BBS1: variants seen among roughly 807,000 people sequenced by gnomAD.
The protein encoded by BBS1 is BBSome complex member BBS1.
BBS1 carries 60 observed loss-of-function variants against 73.9 expected under a neutral mutation model. The ratio of observed to expected loss-of-function variants is 0.81; its 90% confidence interval spans 0.66 to 1.01. BBS1 has a LOEUF of 1.01. Ranked by LOEUF, BBS1 falls within the 50% of genes least tolerant of loss-of-function variation. The pLI, the probability that BBS1 is intolerant of heterozygous loss-of-function variation, is 0.00. For synonymous variants in BBS1, 283 were observed against 317.4 expected (o/e 0.89, Z 1.15); for missense variants, 718 against 770.3 (o/e 0.93, Z 0.80).
intron 7 of BBS1, 45 bp downstream of exon 7, chr11:66,515,978 T>C (rs1227522500): frequency 3.7e-6 from 6 of 1,601,072 alleles, no homozygotes; most frequent in Non-Finnish European, 5.1e-6. Context: ...AAAATTTACA[T>C]TTTTTTAAAA....
At chr11:66,530,764 G>A in intron 14 of BBS1, 130 bp from the exon 15 acceptor site, 2 of 1,350,378 alleles carry the variant, frequency 1.5e-6, no homozygotes, top group Non-Finnish European at 2.1e-6. Context: ...GGTCTTCTGT[G>A]TCTGCTGGGA....
chr11:66,531,642 G>A lies in BBS1; in HGVS notation c.1609-14G>A, dbSNP rs1211267389. 1.2e-6 allele frequency: 2 copies of A among 1,613,934 alleles called. No homozygotes were observed. Among genetic ancestry groups the A allele is most frequent in the Non-Finnish European group, 8.5e-7 (1 of 1,179,994 alleles). The stretch of plus-strand genomic sequence containing the variant: ...CGAGGGCTGGTTTCCTTACTTCTTT[G>A]TCCCCAAACTTAGGTACCCTTGCTG... On this transcript the variant is annotated splice_polypyrimidine_tract_variant and intron_variant, in intron 15 of 16. Coordinates refer to ENST00000318312, the MANE Select transcript of BBS1 (RefSeq NM_024649.5).
intron 1 of BBS1, 134 bp downstream of exon 1, chr11:66,510,840 C>G: frequency 7.1e-7 from 1 of 1,413,204 alleles, no homozygotes; most frequent in South Asian, 1.2e-5. Context: ...AAACCGAGGC[C>G]TAAGATGTGC....
At chr11:66,512,003 A>AAT (rs1168533544) in intron 3 of BBS1, among the ~76,000 whole-genome samples, 2,499 of 140,240 alleles carry the variant, frequency 0.018, 24 homozygotes, top group Non-Finnish European at 0.028. Context: ...TTCAAAAAAA[A>AAT]ATATATATAT....
intron 7 of BBS1, among the ~76,000 whole-genome samples, chr11:66,519,169 G>A (rs1856124667): frequency 6.6e-6 from 1 of 152,170 alleles, no homozygotes; most frequent in South Asian, 2.1e-4. Context: ...TGGATCACAG[G>A]TCAGGAGTTC....
chr11:66,511,062 A>G lies in BBS1; in HGVS notation c.97A>G (p.Asn33Asp). The G allele has an allele frequency of 6.2e-7, 1 of 1,614,118 alleles. No homozygotes were observed. The highest frequency in any genetic ancestry group is 8.5e-7 in the Non-Finnish European group (1 of 1,180,020). The part of the protein sequence containing the change: ...WLDAHYDPMA[N>D]IHTFSACLAL... ...GGATGCGCACTACGACCCAATGGCC[A>G]ATATCCACACCTTTTCTGCCTGCCT... Residue 33 changes from asparagine (N) to aspartate (D), a missense_variant, in exon 2 of 17, where the codon AAT becomes GAT. Physicochemically the swap from Asn to Asp is conservative, Grantham distance 23. Transcript: ENST00000318312.
chr11:66,522,822 T>C, intron 9 of BBS1: 1 of 303,670 alleles, frequency 3.3e-6, no homozygotes, highest in Non-Finnish European at 6.4e-6. Context: ...ATGAGTGCTA[T>C]GGAGAAAAAA....
In BBS1 at chr11:66,511,024, A is replaced by G. The variant is rs879216710; in HGVS notation, c.59A>G (p.Asn20Ser). The G allele has an allele frequency of 1.5e-5, 24 of 1,614,000 alleles. No individual in the cohort carries two copies. Among genetic ancestry groups the G allele is most frequent in the Admixed American group, 1.0e-4 (6 of 59,990 alleles). The change falls in exon 2 of 17, where the codon AAT (asparagine) becomes AGT (serine). Residue 20 changes from asparagine (N) to serine (S), a missense_variant. Physicochemically the swap from Asn to Ser is conservative, Grantham distance 46. Transcript: ENST00000318312. The part of the protein sequence containing the change: ...DACGAESNEA[N>S]SKWLDAHYDP... ...TCCCCCACTTCCAGCAATGAGGCCA[A>G]TTCGAAGTGGTTGGATGCGCACTAC... is the stretch of plus-strand genomic sequence containing the variant.
chr11:66,529,839 A>T lies in BBS1; in HGVS notation c.1360A>T (p.Thr454Ser). Residue 454 changes from threonine to serine, a missense_variant, in exon 14 of 17, where the codon ACA becomes TCA. Physicochemically the swap from Thr to Ser is moderately conservative, Grantham distance 58 (BLOSUM62 1). Coordinates refer to ENST00000318312, the MANE Select transcript of BBS1 (RefSeq NM_024649.5). ...CACAGCCATGCACCGGGCCTTCCAG[A>T]CAGACCTATACCTGCTGCGCCTACG... ...AGTAMHRAFQ[T>S]DLYLLRLRAA... 6.2e-7 allele frequency: 1 copy of T among 1,611,078 alleles called. No individual in the cohort carries two copies. The highest frequency in any genetic ancestry group is 8.5e-7 in the Non-Finnish European group (1 of 1,179,932).
intron 8 of BBS1, 70 bp from the exon 9 acceptor site, chr11:66,521,200 G>A: frequency 8.9e-7 from 1 of 1,127,666 alleles, no homozygotes; most frequent in Admixed American, 1.7e-5. Flanking sequence ...TCACTCAGAG[G>A]AGTTACTGAC....
intron 7 of BBS1, among the ~76,000 whole-genome samples, 174 bp downstream of exon 7, chr11:66,516,107 A>G (rs1332054674): frequency 6.8e-6 from 1 of 147,352 alleles, no homozygotes; most frequent in Non-Finnish European, 1.5e-5. Flanking sequence ...TCCACATTCC[A>G]GTTAGTAGTG....
intron 8 of BBS1, 34 bp from the exon 9 acceptor site, chr11:66,521,236 G>A: frequency 6.4e-7 from 1 of 1,552,334 alleles, no homozygotes. Context: ...GGGGGCTCCA[G>A]AGAAATTGGA....
At chr11:66,522,721 T>C (rs1167005963) in intron 9 of BBS1, 2 of 206,230 alleles carry the variant, frequency 9.7e-6, no homozygotes, top group African/African-American at 4.7e-5. Flanking sequence ...GTATTAGGGA[T>C]ATATTGATGA....
chr11:66,514,498 T>A lies in BBS1; in HGVS notation c.252T>A (p.Ala84=). Residue 84 remains alanine, a synonymous_variant, in exon 4 of 17, where the codon GCT becomes GCA. Transcript: ENST00000318312. The part of the protein sequence containing the change: ...PLVMTESPLP[A]LPAAAATFLM... ...TGATGACCGAAAGCCCGCTACCTGC[T>A]CTGCCAGCTGCTGCTGCCACCTTCC... is the stretch of plus-strand genomic sequence containing the variant. 2 of 1,614,176 alleles carry A rather than the reference T, an allele frequency of 1.2e-6. No homozygotes were observed. Among genetic ancestry groups the A allele is most frequent in the Non-Finnish European group, 1.7e-6 (2 of 1,180,018 alleles).
rs1295318869 is a variant in BBS1 at position 66,519,749 on chromosome 11, G to C, written c.723+1G>C. 1.2e-6 allele frequency: 2 copies of C among 1,613,034 alleles called. No homozygotes were observed. The highest frequency in any genetic ancestry group is 3.3e-5 in the Admixed American group (2 of 59,968). On this transcript the variant is annotated splice_donor_variant, in intron 8 of 16. Coordinates refer to ENST00000318312, the MANE Select transcript of BBS1 (RefSeq NM_024649.5). LOFTEE classifies it high-confidence loss of function. ...CGAGGCCTTCACCATTTTAGCCAAG[G>C]TCAGCGTCAGGTCTGGCCCTGGGCC...
intron 9 of BBS1, chr11:66,521,644 G>A (rs566203398): frequency 2.3e-5 from 10 of 443,310 alleles, no homozygotes; most frequent in East Asian, 1.4e-4. Flanking sequence ...TGTGGCTCAC[G>A]CCTGTAATCC....
rs1316472200 is a variant in BBS1, at chr11:66,531,005, T to G, written c.1585T>G (p.Ser529Ala). The G allele has an allele frequency of 6.2e-6, 10 of 1,614,072 alleles. No individual in the cohort carries two copies. In the Admixed American group the frequency reaches 8.3e-5, roughly 13 times the overall value. The change falls in exon 15 of 17, where the codon TCC becomes GCC. Residue 529 changes from serine to alanine, a missense_variant. By Grantham distance (99) the Ser-to-Ala change is moderately conservative. Coordinates refer to ENST00000318312, the MANE Select transcript of BBS1 (RefSeq NM_024649.5). ...CTTCCTGTACAACGAGGCGCTCTAT[T>G]CCCTGCCCCGGGCCTTCTTCAAGGT... is the stretch of plus-strand genomic sequence containing the variant. ...VCFLYNEALY[S>A]LPRAFFKVPL...
In BBS1 at chr11:66,533,012, G is replaced by C. The variant is rs538569056; in HGVS notation, c.*975G>C. ...CGTGAGAATTAGCAGGAAAGGCGGG[G>C]CCTTTCTTGTCATAGCTATTTCTGA... On this transcript the variant is annotated 3_prime_UTR_variant, in exon 17 of 17. Transcript: ENST00000318312. The C allele has an allele frequency of 3.9e-5, 6 of 152,316 alleles. No homozygotes were observed. The South Asian group carries it at 1.2e-3, about 32-fold the overall frequency. 9.4% of individuals were successfully genotyped at this position (152,316 alleles called of 1,614,324 possible). A position where few individuals can be genotyped will look rare whatever the true frequency, so the allele number is the denominator to read the frequency against.
chr11:66,531,889 G>A (rs1856798786), intron 16 of BBS1, 62 bp from the exon 17 acceptor site: 1 of 1,577,244 alleles, frequency 6.3e-7, no homozygotes, highest in African/African-American at 1.4e-5. Flanking sequence ...ATTAGGGCCA[G>A]CGCAGACCAG....
Sources: allele counts gnomAD v4.1 joint callset (sites outside exome capture counted in the v4.1 genomes callset), GRCh38; gene constraint gnomAD v4.1.1; transcripts MANE v1.5; gene names NCBI Gene and HGNC (gene_info 2026-07-23, HGNC 2026-07-21).